DMD: variants seen among roughly 807,000 people sequenced by gnomAD.
DMD encodes dystrophin.
A neutral mutation model predicts 330.1 loss-of-function variants in DMD; 63 were observed. The ratio of observed to expected loss-of-function variants is 0.19; its 90% CI spans 0.16 to 0.24. The LOEUF (loss-of-function observed/expected upper bound fraction) is 0.24. Among genes scored for constraint, DMD ranks in the 10% least tolerant of loss-of-function variants. DMD has a pLI of 1.00. For synonymous variants in DMD, 1,223 were observed against 959.8 expected (o/e 1.27, Z -5.07); for missense variants, 3,344 against 2,684.1 (o/e 1.25, Z -5.43).
At chrX:31,178,007 C>T (rs374033836) in intron 70 of DMD, 37 bp from the exon 71 acceptor site, 207 of 1,173,818 alleles carry the variant, frequency 1.8e-4, no homozygotes, top group Middle Eastern at 4.7e-4. Flanking sequence ...AGGAGACACA[C>T]GCAAACTCAG....
chrX:32,762,168 G>T lies in DMD; in HGVS notation c.649+47325C>A, dbSNP rs5972666. ...TCTGTCTCAAAAAAAGAAAAAAAAA[G>T]AAAAAAAAAATCAAAAAAAACAAAA... On this transcript the variant is annotated intron_variant, in intron 7 of 78. Transcript: ENST00000357033. Among the ~76,000 whole-genome samples the T allele has an allele frequency of 6.1e-5, 6 of 97,882 alleles. No homozygotes were observed. The East Asian group carries it at 1.9e-3, about 31-fold the overall frequency. The allele number at this position is 97,882 out of a possible 115,157, so 85.0% of individuals were successfully genotyped here. A position where few individuals can be genotyped will look rare whatever the true frequency, so the allele number is the denominator to read the frequency against.
At chrX:31,946,358 A>G (rs1226419645) in intron 45 of DMD, among the ~76,000 whole-genome samples, 1 of 112,161 alleles carries the variant, frequency 8.9e-6, no homozygotes, top group Non-Finnish European at 1.9e-5. Flanking sequence ...AGAGAGAAAA[A>G]TGGAGAGTTG....
chrX:33,103,421 A>G (rs1312808825), intron 1 of DMD, among the ~76,000 whole-genome samples: 1 of 110,472 alleles, frequency 9.1e-6, no homozygotes, highest in Non-Finnish European at 1.9e-5. Flanking sequence ...CCACAAAAGA[A>G]GTGGAAATGG....
intron 7 of DMD, among the ~76,000 whole-genome samples, chrX:32,715,286 G>A (rs1313602008): frequency 9.1e-6 from 1 of 109,431 alleles, no homozygotes; most frequent in Non-Finnish European, 1.9e-5. Context: ...AGACCATCCT[G>A]GCCAACATGG....
At chrX:32,296,686 T>A (rs62590660) in intron 42 of DMD, among the ~76,000 whole-genome samples, 11,948 of 111,058 alleles carry the variant, frequency 0.11, 684 homozygotes, top group Non-Finnish European at 0.15. Context: ...AAATTTTACA[T>A]CAGAAGTTGT....
At chrX:32,624,354 G>A (rs764315116) in intron 11 of DMD, among the ~76,000 whole-genome samples, 1 of 111,666 alleles carries the variant, frequency 9.0e-6, no homozygotes, top group South Asian at 3.8e-4. Context: ...CATGATACTA[G>A]GAACTGCTAC....
chrX:32,075,290 A>AT (rs1163217652), intron 44 of DMD, among the ~76,000 whole-genome samples: 1 of 111,933 alleles, frequency 8.9e-6, no homozygotes, highest in Non-Finnish European at 1.9e-5. Flanking sequence ...CATATGTAGG[A>AT]TTTTTTTCAG....
intron 49 of DMD, among the ~76,000 whole-genome samples, chrX:31,826,255 T>G (rs1034476971): frequency 8.9e-6 from 1 of 112,059 alleles, no homozygotes; most frequent in African/African-American, 3.2e-5. Context: ...TTTTTAAAAT[T>G]AAATGGCACT....
At chrX:32,739,801 T>C (rs1351941507) in intron 7 of DMD, among the ~76,000 whole-genome samples, 5 of 110,632 alleles carry the variant, frequency 4.5e-5, no homozygotes, top group Non-Finnish European at 9.4e-5. Context: ...CAACAGCAAC[T>C]GGGAATTTGT....
intron 55 of DMD, among the ~76,000 whole-genome samples, chrX:31,537,838 T>C (rs547941132): frequency 2.7e-5 from 3 of 112,127 alleles, no homozygotes; most frequent in African/African-American, 9.7e-5. Flanking sequence ...AGCACTATCA[T>C]AGTAATACCC....
At chrX:32,093,994 G>C (rs748256223) in intron 44 of DMD, among the ~76,000 whole-genome samples, 1 of 110,880 alleles carries the variant, frequency 9.0e-6, no homozygotes, top group African/African-American at 3.3e-5. Flanking sequence ...AATGTAAAAA[G>C]GAACCACAAT....
At chrX:31,896,680 T>C (rs1041411042) in intron 47 of DMD, among the ~76,000 whole-genome samples, 1 of 111,723 alleles carries the variant, frequency 9.0e-6, no homozygotes, top group Non-Finnish European at 1.9e-5. Context: ...TAGAAAACCA[T>C]TTCATTCAGT....
chrX:31,476,440 C>T (rs1286693263), intron 59 of DMD, among the ~76,000 whole-genome samples: 1 of 98,013 alleles, frequency 1.0e-5, no homozygotes, highest in Non-Finnish European at 2.0e-5. Flanking sequence ...CACACACATA[C>T]TTTACAGACA....
At chrX:33,314,296 C>T (rs184592253) in intron 1 of DMD, among the ~76,000 whole-genome samples, 36 of 109,869 alleles carry the variant, frequency 3.3e-4, no homozygotes, top group Non-Finnish European at 5.5e-4. Context: ...GTCACTCTGT[C>T]GCCCAGGCTG....
chrX:31,306,322 T>G (rs1433409338), intron 62 of DMD, among the ~76,000 whole-genome samples: 1 of 111,775 alleles, frequency 8.9e-6, no homozygotes, highest in Non-Finnish European at 1.9e-5. Context: ...TTCCCCATAT[T>G]TCACTGAGAA....
rs1603618491 is a variant in DMD at position 31,968,401 on chromosome X, T to C, written c.6552A>G (p.Lys2184=). The part of the protein sequence containing the change: ...SKTDASILQE[K]LGSLNLRWQE... ...GCCACCGCAGATTCAGGCTTCCCAA[T>C]TTTTCCTGTAGAATACTGGCATCTG... The change falls in exon 45 of 79, where the codon AAA becomes AAG. Residue 2184 remains lysine (K), a synonymous_variant. Transcript: ENST00000357033. 2 of 1,210,963 alleles carry C rather than the reference T, an allele frequency of 1.7e-6. No individual in the cohort carries two copies. The highest frequency in any genetic ancestry group is 2.3e-4 in the Middle Eastern group (1 of 4,347).
intron 7 of DMD, 39 bp from the exon 8 acceptor site, chrX:32,699,332 C>G: frequency 9.3e-7 from 1 of 1,077,201 alleles, no homozygotes. Flanking sequence ...TTTTTGGTTT[C>G]TATATTTGAG....
chrX:31,430,961 C>T (rs1235954174), intron 60 of DMD, among the ~76,000 whole-genome samples: 2 of 108,395 alleles, frequency 1.8e-5, no homozygotes, highest in Non-Finnish European at 3.8e-5. Context: ...TGCCACCATG[C>T]CCGGCTAATG....
At chrX:32,501,962 GAATCTAAAGACTTTTTCT>G (rs2044102506) in intron 18 of DMD, 120 bp from the exon 19 acceptor site, 8 of 530,988 alleles carry the variant, frequency 1.5e-5, no homozygotes, top group African/African-American at 1.4e-4. Flanking sequence ...CTTATCACGT[GAATCTAAAGACTTTTTCT>G]CAACACTTTT....
Sources: allele counts gnomAD v4.1 joint callset (sites outside exome capture counted in the v4.1 genomes callset), GRCh38; gene constraint gnomAD v4.1.1; transcripts MANE v1.5; gene names NCBI Gene and HGNC (gene_info 2026-07-23, HGNC 2026-07-21).